The following B3GLCT variants were observed in gnomAD, a reference collection of about 807,000 sequenced individuals.
B3GLCT encodes the protein beta 3-glucosyltransferase.
A neutral mutation model predicts 63.4 loss-of-function variants in B3GLCT; 65 were observed. The observed-to-expected ratio is 1.03, with a 90% CI of 0.84 to 1.26. B3GLCT has a LOEUF of 1.26. B3GLCT is among the 50% of genes most tolerant of loss of function. The pLI, the probability that B3GLCT is intolerant of heterozygous loss-of-function variation, is 0.00. For synonymous variants in B3GLCT, 233 were observed against 219.2 expected (o/e 1.06, Z -0.55); for missense variants, 577 against 604.8 (o/e 0.95, Z 0.48).
At chr13:31,289,482 T>G (rs1873532014) in intron 12 of B3GLCT, among the ~76,000 whole-genome samples, 1 of 152,100 alleles carries the variant, frequency 6.6e-6, no homozygotes, top group South Asian at 2.1e-4. Flanking sequence ...ATGTTTAAAT[T>G]CAAGTGAAAG....
chr13:31,313,460 C>T (rs955258040), intron 12 of B3GLCT, among the ~76,000 whole-genome samples: 1 of 152,188 alleles, frequency 6.6e-6, no homozygotes, highest in Admixed American at 6.5e-5. Context: ...GTGATTCTTG[C>T]TGTGTTTTAG....
At chr13:31,200,603 CCG>C (rs960763667) in intron 1 of B3GLCT, among the ~76,000 whole-genome samples, 74 of 151,706 alleles carry the variant, frequency 4.9e-4, no homozygotes, top group African/African-American at 1.7e-3. Flanking sequence ...CCTGCGCGCC[CCG>C]CGCCGGGCGG....
chr13:31,263,485 C>G (rs1364584287), intron 7 of B3GLCT, among the ~76,000 whole-genome samples: 1 of 152,150 alleles, frequency 6.6e-6, no homozygotes. Flanking sequence ...AACCTCTGTC[C>G]TCTGCTTCAC....
At chr13:31,268,860 A>G (rs942489673) in intron 7 of B3GLCT, among the ~76,000 whole-genome samples, 1 of 152,240 alleles carries the variant, frequency 6.6e-6, no homozygotes, top group African/African-American at 2.4e-5. Flanking sequence ...GTCTTTCTCA[A>G]GCATAATTTA....
chr13:31,323,952 C>CT lies in B3GLCT; in HGVS notation c.1329+59dup. ...GCAGGTGAGGGACAGATTCTTCTCACTTAAGGATTTGACTTCTTTCTCTTC... is the reference window on the plus strand; with the variant it reads ...GCAGGTGAGGGACAGATTCTTCTCACTTTAAGGATTTGACTTCTTTCTCTTC... On this transcript the variant is annotated intron_variant, in intron 14 of 14. Coordinates refer to ENST00000343307, the MANE Select transcript of B3GLCT (RefSeq NM_194318.4). 1.9e-6 allele frequency: 3 copies of CT among 1,595,800 alleles called. No individual in the cohort carries two copies. In the South Asian group the frequency reaches 3.3e-5, roughly 18 times the overall value.
intron 10 of B3GLCT, among the ~76,000 whole-genome samples, chr13:31,279,176 A>G (rs1408732316): frequency 6.6e-6 from 1 of 152,192 alleles, no homozygotes; most frequent in Admixed American, 6.5e-5. Context: ...ATGGCAAGGA[A>G]TTGAAACCCA....
Position 31,244,768 on chromosome 13 carries a change from T to C in B3GLCT, c.271-2255T>C, listed in dbSNP as rs566023231. ...ATATATGTGTATATATGTGTGTATA[T>C]GTATATGACAAGAATAAAAGCTCTT... On this transcript the variant is annotated intron_variant, in intron 4 of 14. Transcript: ENST00000343307. 2.0e-5 allele frequency among the ~76,000 whole-genome samples: 3 copies of C among 152,274 alleles called. No individual in the cohort carries two copies. The East Asian group carries it at 5.8e-4, about 29-fold the overall frequency.
At chr13:31,222,296 T>C (rs906618167) in intron 2 of B3GLCT, among the ~76,000 whole-genome samples, 3 of 152,040 alleles carry the variant, frequency 2.0e-5, no homozygotes, top group Non-Finnish European at 4.4e-5. Context: ...CAGGCTGGTC[T>C]TGAACTCCTG....
chr13:31,323,960 T>G, intron 14 of B3GLCT, 65 bp downstream of exon 14: 1 of 1,577,318 alleles, frequency 6.3e-7, no homozygotes, highest in Non-Finnish European at 8.7e-7. Flanking sequence ...CACTTAAGGA[T>G]TTGACTTCTT....
At chr13:31,256,777 TG>T (rs942727046) in intron 6 of B3GLCT, among the ~76,000 whole-genome samples, 1 of 151,972 alleles carries the variant, frequency 6.6e-6, no homozygotes, top group Non-Finnish European at 1.5e-5. Flanking sequence ...TTGTGGGCGG[TG>T]GGGGGCTTAG....
Position 31,200,160 on chromosome 13 carries a change from T to C in B3GLCT, c.70+6T>C. 6 of 1,316,430 alleles carry C rather than the reference T, an allele frequency of 4.6e-6. No individual in the cohort carries two copies. The highest frequency in any genetic ancestry group is 3.3e-5 in the South Asian group (2 of 61,482). 81.5% of individuals were successfully genotyped at this position (1,316,430 alleles called of 1,614,324 possible). ...GCTCCTCACCTGCTCCCTGGGTAAG[T>C]AGCGGGCGGCCAGGCGCGCAAGGGC... On this transcript the variant is annotated splice_donor_region_variant and intron_variant, in intron 1 of 14. Coordinates refer to ENST00000343307, the MANE Select transcript of B3GLCT (RefSeq NM_194318.4).
intron 4 of B3GLCT, among the ~76,000 whole-genome samples, chr13:31,233,246 G>A (rs4943243): frequency 0.98 from 148,502 of 152,292 alleles, 72,416 homozygotes; most frequent in East Asian, 1. Flanking sequence ...CAGTGAAACC[G>A]CAGAGTTTAG....
In B3GLCT at chr13:31,331,821, G is replaced by A. The variant is rs1875942355; in HGVS notation, c.*2153G>A. 6.6e-6 allele frequency: 1 copy of A among 152,152 alleles called. No individual in the cohort carries two copies. Among genetic ancestry groups the A allele is most frequent in the Non-Finnish European group, 1.5e-5 (1 of 68,014 alleles). 9.4% of individuals were successfully genotyped at this position (152,152 alleles called of 1,614,324 possible). A position where few individuals can be genotyped will look rare whatever the true frequency, so the allele number is the denominator to read the frequency against. On this transcript the variant is annotated 3_prime_UTR_variant, in exon 15 of 15. Coordinates refer to ENST00000343307, the MANE Select transcript of B3GLCT (RefSeq NM_194318.4). ...TCTGACATTTCCAGGACCAGATATT[G>A]TCTTACTCACATTTCCTTTGCTTTG...
intron 1 of B3GLCT, among the ~76,000 whole-genome samples, chr13:31,208,189 A>G (rs972253945): frequency 2.6e-5 from 4 of 152,050 alleles, no homozygotes; most frequent in African/African-American, 7.3e-5. Flanking sequence ...CTCTACTGCC[A>G]CATCTTTCTG....
chr13:31,270,642 C>T (rs1872537877), intron 8 of B3GLCT, among the ~76,000 whole-genome samples: 1 of 152,212 alleles, frequency 6.6e-6, no homozygotes, highest in Non-Finnish European at 1.5e-5. Context: ...CTATGTGCTT[C>T]TTGAGGAGAG....
At position 31,248,273 on chromosome 13, in the gene B3GLCT, A is replaced by T. The variant is rs573110584; in HGVS notation, c.459+307A>T. Among the ~76,000 whole-genome samples, 3 of 152,358 alleles carry T rather than the reference A, an allele frequency of 2.0e-5. No individual in the cohort carries two copies. The East Asian group carries it at 5.8e-4, about 29-fold the overall frequency. ...ACTGCTTTTCTTAGCAATAAACTTA[A>T]GTTGGCTATTTCTGCTTATTAGACA... On this transcript the variant is annotated intron_variant, in intron 6 of 14. Coordinates refer to ENST00000343307, the MANE Select transcript of B3GLCT (RefSeq NM_194318.4).
At chr13:31,288,244 G>GACTAGCATGCTTA (rs1566082930) in intron 12 of B3GLCT, among the ~76,000 whole-genome samples, 1 of 152,048 alleles carries the variant, frequency 6.6e-6, no homozygotes, top group African/African-American at 2.4e-5. Flanking sequence ...TGGAATTGAG[G>GACTAGCATGCTTA]ACTAGCATGC....
chr13:31,295,755 T>G (rs1873904598), intron 12 of B3GLCT, among the ~76,000 whole-genome samples: 2 of 152,174 alleles, frequency 1.3e-5, no homozygotes, highest in African/African-American at 4.8e-5. Context: ...CTGGGCTCCG[T>G]GGGGGTGGGG....
intron 13 of B3GLCT, among the ~76,000 whole-genome samples, chr13:31,318,285 C>T (rs532799776): frequency 1.4e-4 from 21 of 152,226 alleles, no homozygotes; most frequent in African/African-American, 2.6e-4. Context: ...ATCTTATCAA[C>T]GGTAGTCATT....
Sources: allele counts gnomAD v4.1 joint callset (sites outside exome capture counted in the v4.1 genomes callset), GRCh38; gene constraint gnomAD v4.1.1; transcripts MANE v1.5; gene names NCBI Gene and HGNC (gene_info 2026-07-23, HGNC 2026-07-21).